The following LRBA variants were observed in gnomAD, a reference collection of about 807,000 sequenced individuals.
The protein encoded by LRBA is LPS responsive beige-like anchor protein.
A neutral mutation model predicts 330.0 loss-of-function variants in LRBA; 176 were observed. The ratio of observed to expected loss-of-function variants is 0.53; its 90% CI spans 0.47 to 0.60. The LOEUF is 0.60. Ranked by LOEUF, LRBA falls within the 20% of genes least tolerant of loss-of-function variation. The pLI is 0.00. For synonymous variants in LRBA, 1,230 were observed against 1,193.0 expected (o/e 1.03, Z -0.64); for missense variants, 3,259 against 3,444.8 (o/e 0.95, Z 1.35).
intron 2 of LRBA, among the ~76,000 whole-genome samples, chr4:150,994,839 T>G (rs1256431140): frequency 6.6e-6 from 1 of 152,152 alleles, no homozygotes; most frequent in East Asian, 1.9e-4. Flanking sequence ...AAAATAGTAT[T>G]TTTCATGAGT....
chr4:150,420,082 A>T (rs540597150), intron 46 of LRBA, among the ~76,000 whole-genome samples: 2 of 150,704 alleles, frequency 1.3e-5, no homozygotes, highest in Non-Finnish European at 3.0e-5. Flanking sequence ...CAAAAAAATT[A>T]AAAAATTTAG....
chr4:150,986,036 G>T (rs989928237), intron 2 of LRBA, among the ~76,000 whole-genome samples: 4 of 151,930 alleles, frequency 2.6e-5, no homozygotes, highest in Admixed American at 1.3e-4. Flanking sequence ...GACCAGGCTG[G>T]TCTTGAACTC....
intron 40 of LRBA, among the ~76,000 whole-genome samples, chr4:150,497,615 A>T (rs1382627254): frequency 6.6e-6 from 1 of 152,162 alleles, no homozygotes; most frequent in Non-Finnish European, 1.5e-5. Flanking sequence ...TGGGTGACAA[A>T]TTCAATTAAA....
At chr4:150,789,518 CTAAGT>C (rs1739591100) in intron 34 of LRBA, among the ~76,000 whole-genome samples, 1 of 152,102 alleles carries the variant, frequency 6.6e-6, no homozygotes, top group Non-Finnish European at 1.5e-5. Context: ...TATCGCAGCA[CTAAGT>C]TAAACACTGC....
chr4:150,454,829 T>A (rs1190302075), intron 44 of LRBA, among the ~76,000 whole-genome samples: 1 of 152,100 alleles, frequency 6.6e-6, no homozygotes, highest in East Asian at 1.9e-4. Flanking sequence ...TAATAACATG[T>A]GGTATTTGGT....
chr4:150,972,728 ATTTAAG>A (rs1213114227), intron 2 of LRBA, among the ~76,000 whole-genome samples: 2 of 152,196 alleles, frequency 1.3e-5, no homozygotes, highest in Non-Finnish European at 2.9e-5. Context: ...CTGGCTCTTC[ATTTAAG>A]TTTATTTTCT....
intron 28 of LRBA, among the ~76,000 whole-genome samples, chr4:150,842,652 G>T (rs373825543): frequency 6.6e-6 from 1 of 152,270 alleles, no homozygotes; most frequent in South Asian, 2.1e-4. Context: ...AGCTACTAGA[G>T]AACTATGATC....
intron 56 of LRBA, among the ~76,000 whole-genome samples, chr4:150,272,713 C>T (rs1746282828): frequency 6.6e-6 from 1 of 151,316 alleles, no homozygotes; most frequent in South Asian, 2.1e-4. Context: ...GAAAGGATAT[C>T]AGAGATTGAA....
intron 28 of LRBA, 94 bp downstream of exon 28, chr4:150,844,006 T>G (rs537890077): frequency 2.8e-6 from 2 of 714,798 alleles, no homozygotes; most frequent in African/African-American, 3.5e-5. Flanking sequence ...CTCCACTATT[T>G]GATATCACAA....
intron 34 of LRBA, among the ~76,000 whole-genome samples, chr4:150,796,401 C>T (rs1196135143): frequency 6.6e-6 from 1 of 151,948 alleles, no homozygotes; most frequent in Non-Finnish European, 1.5e-5. Flanking sequence ...ATTTTTCACA[C>T]TGTGCTACAT....
At chr4:150,844,448 A>C (rs191750619) in intron 27 of LRBA, among the ~76,000 whole-genome samples, 8 of 152,182 alleles carry the variant, frequency 5.3e-5, no homozygotes, top group Admixed American at 4.6e-4. Flanking sequence ...AAACAATCAA[A>C]GTAAACACTG....
chr4:150,513,407 T>C (rs1210617544), intron 40 of LRBA, among the ~76,000 whole-genome samples: 1 of 152,150 alleles, frequency 6.6e-6, no homozygotes, highest in Non-Finnish European at 1.5e-5. Flanking sequence ...ATTGTAAAAA[T>C]TTTAGGTTCT....
chr4:150,976,988 C>T (rs564143491), intron 2 of LRBA, among the ~76,000 whole-genome samples: 1 of 152,328 alleles, frequency 6.6e-6, no homozygotes, highest in South Asian at 2.1e-4. Context: ...GCCTCACCAC[C>T]GTGGCTTAAA....
At chr4:150,488,006 T>C (rs1213780174) in intron 41 of LRBA, among the ~76,000 whole-genome samples, 172 bp from the exon 42 acceptor site, 1 of 151,734 alleles carries the variant, frequency 6.6e-6, no homozygotes, top group Non-Finnish European at 1.5e-5. Context: ...ATGCCAGTGA[T>C]AATATTCATT....
chr4:150,848,846 T>C lies in LRBA; in HGVS notation c.4311A>G (p.Gly1437=). 1 of 1,609,510 alleles carries C rather than the reference T, an allele frequency of 6.2e-7. No homozygotes were observed. Among genetic ancestry groups the C allele is most frequent in the Non-Finnish European group, 8.5e-7 (1 of 1,177,988 alleles). Residue 1437 remains glycine, a synonymous_variant, in exon 26 of 57, where the codon GGA becomes GGG. Coordinates refer to ENST00000651943, the MANE Select transcript of LRBA (RefSeq NM_001364905.1). ...EIEAEKSMSS[G]GILRQCLRLV... ...GTCGGAGACACTGCCGCAAAATTCC[T>C]CCAGATGACATACTTTTTTCAGCTT...
At chr4:150,772,732 C>T (rs1417911778) in intron 34 of LRBA, among the ~76,000 whole-genome samples, 1 of 152,114 alleles carries the variant, frequency 6.6e-6, no homozygotes, top group Non-Finnish European at 1.5e-5. Context: ...AATAGCATCC[C>T]CATCTGCCAC....
At chr4:150,977,858 T>A (rs768622332) in intron 2 of LRBA, among the ~76,000 whole-genome samples, 2 of 152,228 alleles carry the variant, frequency 1.3e-5, no homozygotes, top group Admixed American at 6.5e-5. Context: ...TTGAGCAACA[T>A]CTTAGCCACA....
intron 42 of LRBA, among the ~76,000 whole-genome samples, chr4:150,481,582 C>A (rs911360074): frequency 1.3e-5 from 2 of 151,998 alleles, no homozygotes; most frequent in Non-Finnish European, 2.9e-5. Flanking sequence ...AACTCTTGGC[C>A]CCTGGTAACC....
intron 35 of LRBA, among the ~76,000 whole-genome samples, chr4:150,737,641 A>G (rs1207643853): frequency 1.3e-5 from 2 of 152,264 alleles, no homozygotes; most frequent in Admixed American, 1.3e-4. Context: ...TGTGGGAAAA[A>G]AAAAAGAGTA....
Sources: allele counts gnomAD v4.1 joint callset (sites outside exome capture counted in the v4.1 genomes callset), GRCh38; gene constraint gnomAD v4.1.1; transcripts MANE v1.5; gene names NCBI Gene and HGNC (gene_info 2026-07-23, HGNC 2026-07-21).